Variants in ELMO1 observed in about 807,000 individuals in gnomAD.
The protein encoded by ELMO1 is engulfment and cell motility protein 1.
Under a neutral mutation model 98.9 loss-of-function variants are expected in ELMO1, and 26 were observed. The ratio of observed to expected loss-of-function variants is 0.26; its 90% CI spans 0.19 to 0.36. The LOEUF (loss-of-function observed/expected upper bound fraction) is 0.36, where lower values mean the gene tolerates loss of function less well. Among genes scored for constraint, ELMO1 ranks in the 10% least tolerant of loss-of-function variants. The pLI is 1.00. For missense variants in ELMO1, 627 were observed against 935.2 expected (o/e 0.67, Z 4.30); for synonymous variants, 346 against 346.0 (o/e 1.00, Z 0.00).
At chr7:37,129,098 A>G (rs1786726658) in intron 14 of ELMO1, among the ~76,000 whole-genome samples, 1 of 151,914 alleles carries the variant, frequency 6.6e-6, no homozygotes, top group Non-Finnish European at 1.5e-5. Flanking sequence ...ACAGTGGTAG[A>G]GACTTGCCTG....
intron 17 of ELMO1, among the ~76,000 whole-genome samples, chr7:36,892,194 C>T (rs1481786564): frequency 1.3e-5 from 2 of 152,184 alleles, no homozygotes; most frequent in African/African-American, 2.4e-5. Context: ...GGTCTGCCAC[C>T]ATGCTGTGTG....
intron 16 of ELMO1, among the ~76,000 whole-genome samples, chr7:36,940,455 C>T (rs1404827500): frequency 6.6e-6 from 1 of 152,176 alleles, no homozygotes; most frequent in African/African-American, 2.4e-5. Context: ...TATTCTTTAG[C>T]CCTTAAGAGG....
chr7:37,424,864 T>A (rs920497127), intron 1 of ELMO1, among the ~76,000 whole-genome samples: 2 of 150,988 alleles, frequency 1.3e-5, no homozygotes, highest in Admixed American at 6.6e-5. Context: ...AATTATTATA[T>A]ATTTTTAATA....
At chr7:37,364,583 A>AT (rs34314377) in intron 1 of ELMO1, among the ~76,000 whole-genome samples, 12,215 of 148,846 alleles carry the variant, frequency 0.082, 603 homozygotes, top group Middle Eastern at 0.11. Flanking sequence ...TGCTGGCTTA[A>AT]TTTTTTTTTT....
At chr7:37,364,934 T>C (rs1368264050) in intron 1 of ELMO1, among the ~76,000 whole-genome samples, 1 of 152,240 alleles carries the variant, frequency 6.6e-6, no homozygotes, top group African/African-American at 2.4e-5. Flanking sequence ...TAAAATGCCA[T>C]TATATTTGAC....
intron 4 of ELMO1, among the ~76,000 whole-genome samples, chr7:37,275,065 TGA>T (rs1796759343): frequency 6.6e-6 from 1 of 152,208 alleles, no homozygotes; most frequent in African/African-American, 2.4e-5. Context: ...TGGAGGAGGA[TGA>T]GAGGACTCAA....
chr7:36,971,117 A>G (rs895047253), intron 16 of ELMO1, among the ~76,000 whole-genome samples: 2 of 152,228 alleles, frequency 1.3e-5, no homozygotes, highest in Non-Finnish European at 2.9e-5. Context: ...GGAGCTTGGA[A>G]AGGACTACCT....
At chr7:37,337,497 G>A (rs1475718309) in intron 2 of ELMO1, among the ~76,000 whole-genome samples, 1 of 148,584 alleles carries the variant, frequency 6.7e-6, no homozygotes, top group African/African-American at 2.5e-5. Flanking sequence ...CGCACGTTGT[G>A]CACATGTACC....
At chr7:37,310,474 C>T (rs1484663647) in intron 4 of ELMO1, among the ~76,000 whole-genome samples, 1 of 152,148 alleles carries the variant, frequency 6.6e-6, no homozygotes, top group Non-Finnish European at 1.5e-5. Flanking sequence ...GGCAGTTATA[C>T]GATCCATACC....
In ELMO1 at chr7:37,388,644, A is replaced by G. The variant is rs558603069; in HGVS notation, c.-73-45881T>C. Among the ~76,000 whole-genome samples the G allele has an allele frequency of 3.1e-4, 47 of 151,828 alleles. 1 individual carries two copies. The highest frequency in any genetic ancestry group is 1.8e-3 in the Admixed American group (27 of 15,262). ...TGTGCAAAAAAAAAAAAAACACACA[A>G]AAGACTGCCACCAGCTGGGCATGGC... On this transcript the variant is annotated intron_variant, in intron 1 of 21. Coordinates refer to ENST00000310758, the MANE Select transcript of ELMO1 (RefSeq NM_014800.11).
intron 16 of ELMO1, among the ~76,000 whole-genome samples, chr7:36,992,719 C>T (rs1791959058): frequency 6.6e-6 from 1 of 152,182 alleles, no homozygotes; most frequent in South Asian, 2.1e-4. Flanking sequence ...AATTCCAAAA[C>T]ACACCCATTT....
chr7:37,129,041 T>C (rs574961016), intron 14 of ELMO1, among the ~76,000 whole-genome samples: 7 of 152,054 alleles, frequency 4.6e-5, no homozygotes, highest in African/African-American at 1.7e-4. Context: ...AACAGGCACA[T>C]GATGTGGGAC....
intron 6 of ELMO1, among the ~76,000 whole-genome samples, chr7:37,255,526 C>T (rs1012947269): frequency 6.6e-6 from 1 of 152,192 alleles, no homozygotes; most frequent in Admixed American, 6.5e-5. Context: ...GTTTCATTGT[C>T]GAAGTCTGTA....
intron 13 of ELMO1, among the ~76,000 whole-genome samples, chr7:37,192,054 GA>G (rs1178335446): frequency 6.6e-6 from 1 of 152,238 alleles, no homozygotes; most frequent in Non-Finnish European, 1.5e-5. Flanking sequence ...AGAAGAAGAA[GA>G]AAGATGCTAA....
intron 16 of ELMO1, among the ~76,000 whole-genome samples, chr7:36,939,229 C>G (rs1018380688): frequency 6.6e-6 from 1 of 151,996 alleles, no homozygotes; most frequent in Non-Finnish European, 1.5e-5. Flanking sequence ...GGCCACTTAC[C>G]GAAGACAGAG....
intron 4 of ELMO1, among the ~76,000 whole-genome samples, chr7:37,273,334 C>T (rs553550304): frequency 2.0e-4 from 30 of 152,308 alleles, no homozygotes; most frequent in South Asian, 1.5e-3. Context: ...ATGCCATTCT[C>T]GTGAGAGTGA....
intron 16 of ELMO1, among the ~76,000 whole-genome samples, chr7:36,961,139 AG>A (rs1788916099): frequency 1.3e-5 from 2 of 152,224 alleles, no homozygotes; most frequent in Non-Finnish European, 2.9e-5. Context: ...CAGACAGGCT[AG>A]GAAAAAGTAT....
intron 16 of ELMO1, among the ~76,000 whole-genome samples, chr7:36,963,677 C>T (rs1214646415): frequency 6.6e-6 from 1 of 152,186 alleles, no homozygotes; most frequent in Admixed American, 6.5e-5. Context: ...ACAAAAAGCA[C>T]CACTGAAATT....
rs536553142 is a variant in ELMO1 at position 37,289,047 on chromosome 7, CA to C, written c.193-17166del. ...AGTCTTTCCTGTCAGTTTCCACACCCAAAAGAACAGATGCCCAAGAAGAATG... is the reference window on the plus strand; with the variant it reads ...AGTCTTTCCTGTCAGTTTCCACACCCAAAGAACAGATGCCCAAGAAGAATG... On this transcript the variant is annotated intron_variant, in intron 4 of 21. Transcript: ENST00000310758. 2.1e-4 allele frequency among the ~76,000 whole-genome samples: 32 copies of C among 152,244 alleles called. No individual in the cohort carries two copies. The South Asian group carries it at 6.4e-3, about 31-fold the overall frequency.
Sources: gnomAD v4.1 joint callset for allele counts (sites outside exome capture counted in the v4.1 genomes callset) on GRCh38, gnomAD v4.1.1 for gene constraint, MANE v1.5 for transcripts, NCBI Gene and HGNC (gene_info 2026-07-23, HGNC 2026-07-21) for gene names.